CCDC91: variants seen among roughly 807,000 people sequenced by gnomAD.
The protein encoded by CCDC91 is coiled-coil domain-containing protein 91.
In CCDC91, 48 loss-of-function variants were observed where a neutral mutation model predicts 63.2. The ratio of observed to expected loss-of-function variants is 0.76; its 90% CI spans 0.60 to 0.97. CCDC91 has a LOEUF of 0.97. Among genes scored for constraint, CCDC91 ranks in the 50% least tolerant of loss-of-function variants. The pLI is 0.00. For missense variants in CCDC91, 500 were observed against 494.6 expected (o/e 1.01, Z -0.10); for synonymous variants, 167 against 165.8 (o/e 1.01, Z -0.06).
intron 8 of CCDC91, among the ~76,000 whole-genome samples, chr12:28,395,539 T>C (rs12815312): frequency 0.1 from 15,828 of 152,204 alleles, 1,132 homozygotes; most frequent in Admixed American, 0.14. Flanking sequence ...ACATTTTACT[T>C]ACGTTTCTTG....
chr12:28,293,151 G>A (rs1949350252), intron 3 of CCDC91, among the ~76,000 whole-genome samples: 1 of 152,064 alleles, frequency 6.6e-6, no homozygotes, highest in Non-Finnish European at 1.5e-5. Context: ...AGTGTCTTGG[G>A]CATATAGATA....
chr12:28,250,324 A>C (rs1946039900), intron 1 of CCDC91, among the ~76,000 whole-genome samples: 1 of 152,158 alleles, frequency 6.6e-6, no homozygotes, highest in African/African-American at 2.4e-5. Context: ...TCATTTATGA[A>C]TATAATGTTT....
At chr12:28,378,921 C>T (rs2139020649) in intron 7 of CCDC91, among the ~76,000 whole-genome samples, 1 of 152,140 alleles carries the variant, frequency 6.6e-6, no homozygotes, top group East Asian at 1.9e-4. Flanking sequence ...GTTTCCTGGG[C>T]TTAGCCAGAA....
chr12:28,343,241 C>G (rs1942571323), intron 6 of CCDC91, among the ~76,000 whole-genome samples: 3 of 151,302 alleles, frequency 2.0e-5, no homozygotes, highest in Non-Finnish European at 4.4e-5. Flanking sequence ...TACAACCCCT[C>G]TTAATGTCCC....
intron 7 of CCDC91, among the ~76,000 whole-genome samples, chr12:28,388,714 C>G (rs1403794235): frequency 6.6e-6 from 1 of 152,082 alleles, no homozygotes; most frequent in Non-Finnish European, 1.5e-5. Context: ...CAATTTCCAT[C>G]AAAATACCAC....
intron 1 of CCDC91, among the ~76,000 whole-genome samples, chr12:28,208,432 C>G (rs1943000346): frequency 6.6e-6 from 1 of 152,098 alleles, no homozygotes; most frequent in Non-Finnish European, 1.5e-5. Context: ...GGAGACTAAA[C>G]ATTATTTTTA....
At chr12:28,242,145 G>A (rs1337794693) in intron 1 of CCDC91, among the ~76,000 whole-genome samples, 1 of 151,988 alleles carries the variant, frequency 6.6e-6, no homozygotes. Flanking sequence ...TCAAGTGGCT[G>A]TAAACTCTAG....
At chr12:28,244,486 G>T in intron 1 of CCDC91, among the ~76,000 whole-genome samples, 1 of 121,174 alleles carries the variant, frequency 8.3e-6, no homozygotes. Context: ...GGACAATGTA[G>T]AAGAAGGCTT....
chr12:28,478,650 G>A (rs1951258848), intron 11 of CCDC91, among the ~76,000 whole-genome samples: 1 of 152,136 alleles, frequency 6.6e-6, no homozygotes, highest in Admixed American at 6.6e-5. Context: ...CACAGCAAAA[G>A]AAACTACCAT....
intron 1 of CCDC91, among the ~76,000 whole-genome samples, chr12:28,200,140 T>C (rs1942100160): frequency 6.6e-6 from 1 of 152,060 alleles, no homozygotes; most frequent in African/African-American, 2.4e-5. Flanking sequence ...TCATTCTTTT[T>C]TCATTCTGTT....
At chr12:28,366,350 G>A (rs777428429) in intron 7 of CCDC91, among the ~76,000 whole-genome samples, 15 of 152,130 alleles carry the variant, frequency 9.9e-5, no homozygotes, top group Non-Finnish European at 2.1e-4. Flanking sequence ...AGCAATGGGC[G>A]TATAGAAACA....
intron 1 of CCDC91, among the ~76,000 whole-genome samples, chr12:28,224,955 T>A (rs1226063915): frequency 6.6e-6 from 1 of 152,200 alleles, no homozygotes; most frequent in Admixed American, 6.5e-5. Context: ...TCATCTCTCC[T>A]AACTTACTTA....
Position 28,452,517 on chromosome 12 carries a change from G to A in CCDC91, c.964G>A (p.Val322Ile), listed in dbSNP as rs760444503. Residue 322 changes from valine to isoleucine, a missense_variant, in exon 11 of 13, where the codon GTA (valine) becomes ATA (isoleucine). Val to Ile is a conservative substitution (Grantham distance 29, BLOSUM62 3). Transcript: ENST00000536442. Reference sequence around the variant, plus strand: ...AGTGAAGGATGCAGTTTTAAAAGTCGTAGAAGAAGAAAGAAAAAATTTAGA... The same window carrying A: ...AGTGAAGGATGCAGTTTTAAAAGTCATAGAAGAAGAAAGAAAAAATTTAGA... ...EAVKDAVLKV[V>I]EEERKNLEKA... 86 of 1,585,382 alleles carry A rather than the reference G, an allele frequency of 5.4e-5. No individual in the cohort carries two copies. Among genetic ancestry groups the A allele is most frequent in the Admixed American group, 2.9e-4 (16 of 55,498 alleles).
intron 11 of CCDC91, among the ~76,000 whole-genome samples, chr12:28,478,432 C>T (rs1332004371): frequency 6.6e-6 from 1 of 152,128 alleles, no homozygotes; most frequent in Admixed American, 6.6e-5. Context: ...AAACTGGATC[C>T]CTTCCTTACA....
At chr12:28,402,494 T>A (rs1485914521) in intron 8 of CCDC91, among the ~76,000 whole-genome samples, 2 of 150,444 alleles carry the variant, frequency 1.3e-5, no homozygotes, top group South Asian at 4.2e-4. Context: ...TCTACAAGTT[T>A]GCTGAATCAC....
chr12:28,325,198 A>G (rs1175795847), intron 6 of CCDC91, among the ~76,000 whole-genome samples: 1 of 152,062 alleles, frequency 6.6e-6, no homozygotes, highest in Non-Finnish European at 1.5e-5. Flanking sequence ...TACAAATAGA[A>G]AAGAAAAACA....
chr12:28,370,543 C>G (rs998628610), intron 7 of CCDC91, among the ~76,000 whole-genome samples: 1 of 152,204 alleles, frequency 6.6e-6, no homozygotes, highest in African/African-American at 2.4e-5. Flanking sequence ...TTCCTGTCTT[C>G]TTCTGAGCTC....
chr12:28,340,868 C>G (rs573841053), intron 6 of CCDC91, among the ~76,000 whole-genome samples: 15 of 152,232 alleles, frequency 9.9e-5, no homozygotes, highest in African/African-American at 3.6e-4. Flanking sequence ...TTCTGTATCC[C>G]GAGGTTCTTG....
At chr12:28,304,375 T>TAAAAAAAAAAAAAAAAAAAAAAA (rs777296414) in intron 3 of CCDC91, among the ~76,000 whole-genome samples, 2 of 73,594 alleles carry the variant, frequency 2.7e-5, no homozygotes, top group African/African-American at 5.9e-5. Flanking sequence ...AGACTCCGTC[T>TAAAAAAAAAAAAAAAAAAAAAAA]AAAAAAAAAA....
Sources: allele counts gnomAD v4.1 joint callset (sites outside exome capture counted in the v4.1 genomes callset), GRCh38; gene constraint gnomAD v4.1.1; transcripts MANE v1.5; gene names NCBI Gene and HGNC (gene_info 2026-07-23, HGNC 2026-07-21).